Variants in KRT36 observed in about 807,000 individuals in gnomAD.
The protein encoded by KRT36 is keratin 36.
A neutral mutation model predicts 43.0 loss-of-function variants in KRT36; 41 were observed. The ratio of observed to expected loss-of-function variants is 0.95; its 90% CI spans 0.74 to 1.24. The LOEUF is 1.24. Ranked by LOEUF, KRT36 falls within the 50% of genes most tolerant of loss-of-function variation. KRT36 has a pLI of 0.00. For missense variants in KRT36, 627 were observed against 595.3 expected (o/e 1.05, Z -0.55); for synonymous variants, 277 against 252.9 (o/e 1.10, Z -0.90).
At chr17:41,488,222 G>GT (rs752364972) in intron 3 of KRT36, 21 bp downstream of exon 3, 20 of 1,607,384 alleles carry the variant, frequency 1.2e-5, no homozygotes, top group Non-Finnish European at 1.7e-5. Context: ...ACACTGGGAA[G>GT]TCACATGGCA....
rs547493512 is a variant in KRT36 at position 41,487,722 on chromosome 17, G to C, written c.715C>G (p.Arg239Gly). Residue 239 changes from arginine to glycine, a missense_variant, in exon 4 of 7, where the codon CGT becomes GGT. Transcript: ENST00000328119. ...TTCAGTCGGTCCCCAAGTTGGCAAC[G>C]GAGTACACTGACTTCCTGCAGAGAG... ...KNHEEEVSVL[R>G]CQLGDRLNVE... is the part of the protein sequence containing the mutation. The C allele has an allele frequency of 3.1e-6, 5 of 1,612,408 alleles. No individual in the cohort carries two copies. The South Asian group carries it at 5.5e-5, about 18-fold the overall frequency.
At chr17:41,487,889 C>T (rs985533831) in intron 3 of KRT36, 152 bp from the exon 4 acceptor site, 18 of 747,490 alleles carry the variant, frequency 2.4e-5, no homozygotes, top group Non-Finnish European at 3.8e-5. Context: ...TCTCCTTCTC[C>T]GTATATACCT....
At chr17:41,486,926 T>C in intron 6 of KRT36, 24 bp downstream of exon 6, 2 of 1,603,020 alleles carry the variant, frequency 1.2e-6, no homozygotes, top group Admixed American at 1.7e-5. Flanking sequence ...AGTCAAGCCC[T>C]ACCCCAGCCC....
intron 3 of KRT36, among the ~76,000 whole-genome samples, chr17:41,487,952 T>A (rs1410545917): frequency 6.6e-6 from 1 of 152,190 alleles, no homozygotes; most frequent in African/African-American, 2.4e-5. Flanking sequence ...GCAAATTAAA[T>A]TGCTGTTATC....
At position 41,486,954 on chromosome 17, in the gene KRT36, A is replaced by T. The variant is rs1385045773; in HGVS notation, c.1204T>A (p.Cys402Ser). Residue 402 changes from cysteine (C) to serine (S), a missense_variant, in exon 6 of 7, where the codon TGC becomes AGC. Cys to Ser is a moderately radical substitution (Grantham distance 112). Transcript: ENST00000328119. ...CCCAGCCCAAGGGCCACTCACTTGC[A>T]GTCCTCTCCCTCCAGCAGGTGGCGG... ...TYRHLLEGED[C>S]KLPPQPCATA... 4 of 1,612,088 alleles carry T rather than the reference A, an allele frequency of 2.5e-6. No individual in the cohort carries two copies. The Admixed American group carries it at 6.7e-5, about 27-fold the overall frequency.
chr17:41,486,994 G>A lies in KRT36; in HGVS notation c.1164C>T (p.Gly388=). The A allele has an allele frequency of 6.2e-7, 1 of 1,613,828 alleles. No individual in the cohort carries two copies. Among genetic ancestry groups the A allele is most frequent in the Non-Finnish European group, 8.5e-7 (1 of 1,179,990 alleles). The part of the protein sequence containing the change: ...VLLDVKARLE[G]EIATYRHLLE... Reference sequence around the variant, plus strand: ...GCAGGTGGCGGTAGGTAGCGATCTCGCCCTCCAGCCGGGCCTTGACGTCCA... The same window carrying A: ...GCAGGTGGCGGTAGGTAGCGATCTCACCCTCCAGCCGGGCCTTGACGTCCA... The change falls in exon 6 of 7, where the codon GGC becomes GGT. Residue 388 remains glycine, a synonymous_variant. Coordinates refer to ENST00000328119, the MANE Select transcript of KRT36 (RefSeq NM_003771.5).
rs760373252 is a variant in KRT36 at position 41,488,342 on chromosome 17, A to G, written c.600T>C (p.Arg200=). 6.2e-7 allele frequency: 1 copy of G among 1,614,012 alleles called. No individual in the cohort carries two copies. The highest frequency in any genetic ancestry group is 8.5e-7 in the Non-Finnish European group (1 of 1,180,018). Residue 200 remains arginine, a synonymous_variant, in exon 3 of 7, where the codon CGT becomes CGC. Coordinates refer to ENST00000328119, the MANE Select transcript of KRT36 (RefSeq NM_003771.5). ...ACAGGGTCAGCTCATCCAGGATCCT[A>G]CGCAGGCCGTTGATGTCGGCCTCCA... ...QLVEADINGL[R]RILDELTLCK... is the part of the protein sequence containing the mutation.
rs1223196921 is a variant in KRT36 at position 41,486,478 on chromosome 17, G to A, written c.1302C>T (p.Thr434=). The change falls in exon 7 of 7, where the codon ACC becomes ACT. Residue 434 remains threonine (T), a synonymous_variant. Transcript: ENST00000328119. ...TCTGAGTGCCAACCTGGGGAGCCGG[G>A]GTGCAGGGCACAGAGGGGACACAGG... is the stretch of plus-strand genomic sequence containing the variant. ...PVPCVPSVPC[T]PAPQVGTQIR... is the part of the protein sequence containing the mutation. The A allele has an allele frequency of 1.9e-6, 3 of 1,613,788 alleles. No individual in the cohort carries two copies. Among genetic ancestry groups the A allele is most frequent in the African/African-American group, 1.3e-5 (1 of 74,922 alleles).
intron 6 of KRT36, 93 bp downstream of exon 6, chr17:41,486,857 C>T: frequency 1.7e-6 from 2 of 1,206,402 alleles, no homozygotes; most frequent in Non-Finnish European, 2.3e-6. Context: ...GTTTAGTTCC[C>T]TTCATCTGGG....
chr17:41,487,319 C>G, intron 5 of KRT36, 32 bp downstream of exon 5: 1 of 1,602,390 alleles, frequency 6.2e-7, no homozygotes, highest in Non-Finnish European at 8.5e-7. Flanking sequence ...TGCCACAGGC[C>G]GTGGCCAGCG....
Position 41,489,781 on chromosome 17 carries a change from C to T in KRT36, c.84G>A (p.Val28=). The change falls in exon 1 of 7, where the codon GTG becomes GTA. Residue 28 remains valine, a synonymous_variant. Coordinates refer to ENST00000328119, the MANE Select transcript of KRT36 (RefSeq NM_003771.5). ...LCGTAGGISR[V]SSIRSVGSCR... is the part of the protein sequence containing the mutation. ...AGGAGCCCACAGAACGGATGGAGGA[C>T]ACCCGAGAGATGCCGCCTGCTGTGC... 1 of 1,613,834 alleles carries T rather than the reference C, an allele frequency of 6.2e-7. No individual in the cohort carries two copies. The highest frequency in any genetic ancestry group is 8.5e-7 in the Non-Finnish European group (1 of 1,179,986).
At position 41,489,762 on chromosome 17, in the gene KRT36, CCA is replaced by C; in HGVS notation, c.101_102del (p.Val34GlyfsTer19). On this transcript the variant is annotated frameshift_variant, in exon 1 of 7. Transcript: ENST00000328119. LOFTEE classifies it high-confidence loss of function. ...GCGAGACTGGGGACCCTGCAGGAGC[CCA>C]CAGAACGGATGGAGGACACCCGAGA... Reference protein sequence around the residue: ...GISRVSSIRSVGSCRVPSLAG... With the variant: ...GISRVSSIRSXGSCRVPSLAG... 1 of 1,613,950 alleles carries C rather than the reference CCA, an allele frequency of 6.2e-7. No individual in the cohort carries two copies. Among genetic ancestry groups the C allele is most frequent in the African/African-American group, 1.3e-5 (1 of 75,002 alleles).
rs765217648 is a variant in KRT36 at position 41,488,680 on chromosome 17, A to G, written c.504T>C (p.Ile168=). ...KSENARLVLQ[I]DNAKLAADDF... ...CGTCAGCAGCCAGCTTGGCATTATC[A>G]ATCTGCAGGACCAGCCTGGCATTCT... is the stretch of plus-strand genomic sequence containing the variant. The change falls in exon 2 of 7, where the codon ATT becomes ATC. Residue 168 remains isoleucine, a synonymous_variant. Transcript: ENST00000328119. 6.2e-7 allele frequency: 1 copy of G among 1,614,120 alleles called. No individual in the cohort carries two copies. The highest frequency in any genetic ancestry group is 1.1e-5 in the South Asian group (1 of 91,076).
chr17:41,488,180 G>T, intron 3 of KRT36, 63 bp downstream of exon 3: 4 of 1,529,814 alleles, frequency 2.6e-6, no homozygotes, highest in Non-Finnish European at 3.6e-6. Context: ...AAAACTGAAA[G>T]CCCAGCAGTG....
rs556774032 is a variant in KRT36, at chr17:41,489,562, G to A, written c.303C>T (p.Asn101=). 73 of 1,614,146 alleles carry A rather than the reference G, an allele frequency of 4.5e-5. 1 individual carries two copies. In the Middle Eastern group the frequency reaches 2.6e-3, roughly 59 times the overall value. The change falls in exon 1 of 7, where the codon AAC becomes AAT. Residue 101 remains asparagine, a synonymous_variant. Coordinates refer to ENST00000328119, the MANE Select transcript of KRT36 (RefSeq NM_003771.5). ...GSEKETMQFL[N]DRLANYLEKV... ...TCTCCAGGTAGTTGGCCAGGCGGTC[G>A]TTCAGGAACTGCATAGTCTCCTTCT...
chr17:41,486,912 G>A (rs1470270833), intron 6 of KRT36, 38 bp downstream of exon 6: 3 of 1,574,770 alleles, frequency 1.9e-6, no homozygotes, highest in Non-Finnish European at 8.7e-7. Flanking sequence ...GGCACTGAGG[G>A]TTCAGTCAAG....
chr17:41,487,532 AC>A, intron 4 of KRT36, 43 bp downstream of exon 4: 1 of 1,612,752 alleles, frequency 6.2e-7, no homozygotes, highest in Non-Finnish European at 8.5e-7. Context: ...TCCAAGGGTA[AC>A]CCCAGCCCAG....
chr17:41,487,273 G>A, intron 5 of KRT36, 78 bp downstream of exon 5: 5 of 1,579,542 alleles, frequency 3.2e-6, no homozygotes, highest in Non-Finnish European at 4.3e-6. Context: ...CACACCCCAT[G>A]AGAGCCTGCA....
rs781275119 is a variant in KRT36, at chr17:41,487,704, G to T, written c.733C>A (p.Arg245=). The change falls in exon 4 of 7, where the codon CGA becomes AGA. Residue 245 remains arginine, a synonymous_variant. Transcript: ENST00000328119. ...VSVLRCQLGD[R]LNVEVDAAPP... ...GCAGCGTCCACCTCCACATTCAGTC[G>T]GTCCCCAAGTTGGCAACGGAGTACA... The T allele has an allele frequency of 1.5e-5, 25 of 1,613,598 alleles. No homozygotes were observed.
Sources: allele counts gnomAD v4.1 joint callset (sites outside exome capture counted in the v4.1 genomes callset), GRCh38; gene constraint gnomAD v4.1.1; transcripts MANE v1.5; gene names NCBI Gene and HGNC (gene_info 2026-07-23, HGNC 2026-07-21).